VPS13D: variants seen among roughly 807,000 people sequenced by gnomAD.
The protein encoded by VPS13D is vacuolar protein sorting 13 homolog D.
A neutral mutation model predicts 461.9 loss-of-function variants in VPS13D; 187 were observed. The observed-to-expected ratio is 0.40, with a 90% confidence interval of 0.36 to 0.46. The LOEUF (loss-of-function observed/expected upper bound fraction) is 0.46. Among genes scored for constraint, VPS13D ranks in the 20% least tolerant of loss-of-function variants. The pLI is 0.60. For synonymous variants in VPS13D, 1,951 were observed against 1,986.3 expected (o/e 0.98, Z 0.47); for missense variants, 4,711 against 5,364.9 (o/e 0.88, Z 3.81).
Position 12,378,479 on chromosome 1 carries a change from G to C in VPS13D, c.10969G>C (p.Ala3657Pro). The C allele has an allele frequency of 6.2e-7, 1 of 1,612,344 alleles. No individual in the cohort carries two copies. Among genetic ancestry groups the C allele is most frequent in the Non-Finnish European group, 8.5e-7 (1 of 1,179,270 alleles). ...LWRMTGTGML[A>P]HEGSSVPHNP... ...GAGGATGACAGGAACAGGAATGCTG[G>C]CCCATGAGGGCTCCTCAGTTCCTCA... Residue 3657 changes from alanine (A) to proline (P), a missense_variant, in exon 56 of 70, where the codon GCC becomes CCC. Coordinates refer to ENST00000620676, the MANE Select transcript of VPS13D (RefSeq NM_015378.4).
In VPS13D at chr1:12,271,107, C is replaced by CT. The variant is rs1179920761; in HGVS notation, c.2087dup (p.Val697SerfsTer3). The CT allele has an allele frequency of 6.2e-7, 1 of 1,613,896 alleles. No homozygotes were observed. Among genetic ancestry groups the CT allele is most frequent in the East Asian group, 2.2e-5 (1 of 44,854 alleles). ...AATCCGGCAAACTCTTGATCGTTTG[C>CT]TAGTGGGTGATTTCATTGTAAGTGG... On this transcript the variant is annotated frameshift_variant, in exon 17 of 70. Coordinates refer to ENST00000620676, the MANE Select transcript of VPS13D (RefSeq NM_015378.4). LOFTEE classifies it high-confidence loss of function.
At chr1:12,251,150 G>A (rs377533990) in intron 6 of VPS13D, among the ~76,000 whole-genome samples, 2 of 151,844 alleles carry the variant, frequency 1.3e-5, no homozygotes, top group East Asian at 3.9e-4. Flanking sequence ...TGTAGTTGCA[G>A]CAGAGACTGC....
intron 65 of VPS13D, among the ~76,000 whole-genome samples, chr1:12,439,545 G>A (rs1051727129): frequency 4.0e-5 from 6 of 150,148 alleles, no homozygotes; most frequent in Non-Finnish European, 7.4e-5. Flanking sequence ...TTTATTTTCT[G>A]TACAGCTATG....
chr1:12,304,026 A>G (rs574337117), intron 25 of VPS13D, among the ~76,000 whole-genome samples: 1 of 152,354 alleles, frequency 6.6e-6, no homozygotes, highest in South Asian at 2.1e-4. Flanking sequence ...AGTTACTTAG[A>G]TGGGAAATGT....
At chr1:12,460,013 C>T (rs564367800) in intron 66 of VPS13D, among the ~76,000 whole-genome samples, 188 bp from the exon 67 acceptor site, 2 of 143,070 alleles carry the variant, frequency 1.4e-5, no homozygotes, top group African/African-American at 5.2e-5. Flanking sequence ...TAACATATAT[C>T]CTCTGACTCT....
intron 13 of VPS13D, among the ~76,000 whole-genome samples, chr1:12,264,938 G>T (rs1388304923): frequency 6.6e-6 from 1 of 152,168 alleles, no homozygotes; most frequent in Non-Finnish European, 1.5e-5. Context: ...TTAGGGGCCA[G>T]TGCAGCTGGT....
rs556332063 is a variant in VPS13D at position 12,317,327 on chromosome 1, A to G, written c.7149-745A>G. 2.0e-5 allele frequency among the ~76,000 whole-genome samples: 3 copies of G among 152,106 alleles called. 1 individual carries two copies. The highest frequency in any genetic ancestry group is 6.6e-5 in the Admixed American group (1 of 15,258). On this transcript the variant is annotated intron_variant, in intron 30 of 69. Transcript: ENST00000620676. ...TATAAGTAGGGAAACAGGCTGAGAGAAGGTAGGTGGCTTTCGTAAGATAAC... is the reference window on the plus strand; with the variant it reads ...TATAAGTAGGGAAACAGGCTGAGAGGAGGTAGGTGGCTTTCGTAAGATAAC...
In VPS13D at chr1:12,260,680, T is replaced by A; in HGVS notation, c.1111-13T>A. On this transcript the variant is annotated splice_polypyrimidine_tract_variant and intron_variant, in intron 10 of 69. Transcript: ENST00000620676. The stretch of plus-strand genomic sequence containing the variant: ...GTGTTTTTGTTTATTTGCTTTTGTT[T>A]TCACCCAAACAGGAGGAAATGTGTC... 1.9e-6 allele frequency: 3 copies of A among 1,613,154 alleles called. No individual in the cohort carries two copies. Among genetic ancestry groups the A allele is most frequent in the Non-Finnish European group, 2.5e-6 (3 of 1,179,122 alleles).
chr1:12,434,653 C>A (rs551183580), intron 65 of VPS13D, among the ~76,000 whole-genome samples: 38 of 152,032 alleles, frequency 2.5e-4, no homozygotes, highest in African/African-American at 9.2e-4. Flanking sequence ...ATGTTTAAAT[C>A]TGTGGTATTT....
intron 13 of VPS13D, among the ~76,000 whole-genome samples, chr1:12,264,440 T>C (rs1033469821): frequency 6.6e-6 from 1 of 152,376 alleles, no homozygotes; most frequent in South Asian, 2.1e-4. Flanking sequence ...GGAAAAGTTC[T>C]GGAAGGAAAT....
rs200148306 is a variant in VPS13D at position 12,415,092 on chromosome 1, A to T, written c.12036A>T (p.Leu4012=). Residue 4012 remains leucine, a synonymous_variant, in exon 64 of 70, where the codon CTA becomes CTT. Coordinates refer to ENST00000620676, the MANE Select transcript of VPS13D (RefSeq NM_015378.4). ...TTCCTTTCTTCCCTAATTAGGCCCT[A>T]AAAAGCACCTTGGGGTTTCCTTTGA... ...SNKLPLDLKA[L]KSTLGFPLIR... The T allele has an allele frequency of 3.1e-6, 5 of 1,613,898 alleles. No individual in the cohort carries two copies. In the Admixed American group the frequency reaches 5.0e-5, roughly 16 times the overall value.
chr1:12,493,056 C>CGATT (rs1645905002), intron 67 of VPS13D, among the ~76,000 whole-genome samples: 1 of 147,086 alleles, frequency 6.8e-6, no homozygotes, highest in Non-Finnish European at 1.5e-5. Context: ...TTGTGGTCCA[C>CGATT]GATTGAGTGA....
intron 65 of VPS13D, among the ~76,000 whole-genome samples, chr1:12,440,337 AAC>A (rs1276299693): frequency 6.6e-6 from 1 of 152,190 alleles, no homozygotes; most frequent in Non-Finnish European, 1.5e-5. Context: ...ATAAGTGTAG[AAC>A]ACTCTTAAAA....
In VPS13D at chr1:12,314,305, A is replaced by G. The variant is rs752746613; in HGVS notation, c.7126A>G (p.Ile2376Val). 15 of 1,613,908 alleles carry G rather than the reference A, an allele frequency of 9.3e-6. No homozygotes were observed. Among genetic ancestry groups the G allele is most frequent in the African/African-American group, 1.3e-5 (1 of 75,054 alleles). Reference protein sequence around the residue: ...AKNSSTTQGSIQIELHFRSTK... With the variant: ...AKNSSTTQGSVQIELHFRSTK... ...GAACAGCAGCACCACCCAAGGGTCC[A>G]TTCAGATTGAACTACATTTCAGGTA... is the stretch of plus-strand genomic sequence containing the variant. Residue 2376 changes from isoleucine to valine, a missense_variant, in exon 30 of 70, where the codon ATT (isoleucine) becomes GTT (valine). Ile to Val is a conservative substitution (Grantham distance 29). Coordinates refer to ENST00000620676, the MANE Select transcript of VPS13D (RefSeq NM_015378.4).
At chr1:12,256,190 AACAAAACAG>A (rs1640914736) in intron 7 of VPS13D, 134 bp from the exon 8 acceptor site, 5 of 946,444 alleles carry the variant, frequency 5.3e-6, no homozygotes, top group Non-Finnish European at 7.8e-6. Flanking sequence ...AATGAATAAA[AACAAAACAG>A]ACAAAAATAT....
At chr1:12,367,108 A>G (rs1644046128) in intron 52 of VPS13D, among the ~76,000 whole-genome samples, 1 of 152,166 alleles carries the variant, frequency 6.6e-6, no homozygotes, top group Non-Finnish European at 1.5e-5. Context: ...TGCCACGTGT[A>G]TTCTCTTGTC....
chr1:12,384,532 C>T (rs1644325305), intron 58 of VPS13D, among the ~76,000 whole-genome samples: 3 of 151,864 alleles, frequency 2.0e-5, no homozygotes, highest in Admixed American at 6.6e-5. Flanking sequence ...TAGGTCATAG[C>T]GTAATCAGAA....
intron 52 of VPS13D, among the ~76,000 whole-genome samples, chr1:12,365,833 A>G (rs1644027617): frequency 6.6e-6 from 1 of 152,358 alleles, no homozygotes; most frequent in East Asian, 1.9e-4. Context: ...TATTGAGAAC[A>G]CTATTACAAA....
chr1:12,266,939 G>T lies in VPS13D; in HGVS notation c.1653G>T (p.Arg551=), dbSNP rs1351239365. ...GAAATTCCTCGTTGCTTTCAGTCCG[G>T]TTGGGTGGACTGTTTCTTCGAGACC... The part of the protein sequence containing the change: ...PRRNSSLLSV[R]LGGLFLRDLA... The change falls in exon 14 of 70, where the codon CGG becomes CGT. Residue 551 remains arginine, a synonymous_variant. Coordinates refer to ENST00000620676, the MANE Select transcript of VPS13D (RefSeq NM_015378.4). 12 of 1,610,250 alleles carry T rather than the reference G, an allele frequency of 7.5e-6. No individual in the cohort carries two copies. The highest frequency in any genetic ancestry group is 2.2e-5 in the South Asian group (2 of 90,084).
Sources: gnomAD v4.1 joint callset for allele counts (sites outside exome capture counted in the v4.1 genomes callset) on GRCh38, gnomAD v4.1.1 for gene constraint, MANE v1.5 for transcripts, NCBI Gene and HGNC (gene_info 2026-07-23, HGNC 2026-07-21) for gene names.